PCDH15: variants seen among roughly 807,000 people sequenced by gnomAD.
PCDH15 encodes protocadherin-15.
A neutral mutation model predicts 178.5 loss-of-function variants in PCDH15; 129 were observed. The ratio of observed to expected loss-of-function variants is 0.72; its 90% CI spans 0.63 to 0.84. PCDH15 has a LOEUF of 0.84. PCDH15 is among the 40% of genes least tolerant of loss of function. PCDH15 has a pLI of 0.00. For synonymous variants in PCDH15, 800 were observed against 732.0 expected (o/e 1.09, Z -1.50); for missense variants, 2,230 against 2,099.9 (o/e 1.06, Z -1.21).
At chr10:54,240,454 A>T (rs1444716900) in intron 8 of PCDH15, among the ~76,000 whole-genome samples, 17 of 151,948 alleles carry the variant, frequency 1.1e-4, no homozygotes, top group African/African-American at 3.9e-4. Context: ...GAAAAATAGT[A>T]TCCTTATAAT....
intron 2 of PCDH15, among the ~76,000 whole-genome samples, chr10:54,919,577 C>T (rs941972371): frequency 3.3e-5 from 5 of 152,174 alleles, no homozygotes; most frequent in Admixed American, 1.3e-4. Flanking sequence ...ATACATTACC[C>T]TTACTGTACA....
At chr10:54,101,653 G>A (rs1320625297) in intron 15 of PCDH15, among the ~76,000 whole-genome samples, 3 of 152,076 alleles carry the variant, frequency 2.0e-5, no homozygotes, top group Non-Finnish European at 2.9e-5. Flanking sequence ...AATCACAACT[G>A]CTAAAAAAGA....
At chr10:55,363,452 C>G (rs1161235170) in intron 2 of PCDH15, among the ~76,000 whole-genome samples, 2 of 152,026 alleles carry the variant, frequency 1.3e-5, no homozygotes, top group Non-Finnish European at 2.9e-5. Context: ...GTTGTTAGAT[C>G]ATGTGGTAAG....
intron 23 of PCDH15, among the ~76,000 whole-genome samples, chr10:53,950,579 T>C (rs1164373135): frequency 6.6e-6 from 1 of 152,200 alleles, no homozygotes; most frequent in Non-Finnish European, 1.5e-5. Flanking sequence ...GACTCTATGA[T>C]CTATTCCAGA....
At chr10:55,312,623 T>A (rs1214241060) in intron 1 of PCDH15, among the ~76,000 whole-genome samples, 3 of 115,898 alleles carry the variant, frequency 2.6e-5, no homozygotes, top group African/African-American at 9.6e-5. Context: ...GTAATAGAGT[T>A]TTTTTTTTTT....
At chr10:54,705,327 C>A (rs1267678354) in intron 1 of PCDH15, among the ~76,000 whole-genome samples, 2 of 151,890 alleles carry the variant, frequency 1.3e-5, no homozygotes, top group Non-Finnish European at 2.9e-5. Context: ...AAAAAAAATA[C>A]ATGCTAAGAT....
chr10:54,927,339 G>A (rs1042512866), intron 2 of PCDH15, among the ~76,000 whole-genome samples: 1 of 152,034 alleles, frequency 6.6e-6, no homozygotes, highest in Non-Finnish European at 1.5e-5. Flanking sequence ...TTGCTTAGGA[G>A]TATTTTGTGT....
intron 2 of PCDH15, among the ~76,000 whole-genome samples, chr10:54,994,447 C>T (rs1308040837): frequency 6.6e-6 from 1 of 152,168 alleles, no homozygotes; most frequent in South Asian, 2.1e-4. Flanking sequence ...GAAAAAAATA[C>T]TATATCTAGA....
chr10:54,303,045 T>C (rs1435002962), intron 8 of PCDH15, among the ~76,000 whole-genome samples: 1 of 152,166 alleles, frequency 6.6e-6, no homozygotes, highest in Non-Finnish European at 1.5e-5. Context: ...TAGGAAACTT[T>C]ATTGAATAAT....
intron 26 of PCDH15, among the ~76,000 whole-genome samples, chr10:53,887,788 C>T (rs1419403523): frequency 6.6e-6 from 1 of 152,106 alleles, no homozygotes; most frequent in Non-Finnish European, 1.5e-5. Context: ...ACTCGGGAGG[C>T]CAAGGCAGGA....
chr10:54,171,848 C>T (rs1300966338), intron 13 of PCDH15, among the ~76,000 whole-genome samples: 1 of 151,582 alleles, frequency 6.6e-6, no homozygotes, highest in African/African-American at 2.4e-5. Context: ...TTTCTTCTAA[C>T]ATCCCCACAA....
At chr10:54,271,238 T>G (rs1341943268) in intron 8 of PCDH15, among the ~76,000 whole-genome samples, 1 of 152,114 alleles carries the variant, frequency 6.6e-6, no homozygotes, top group East Asian at 1.9e-4. Flanking sequence ...TGAGACAGAG[T>G]GTCGCTCTGT....
chr10:55,616,807 G>A (rs1194375073), intron 2 of PCDH15, among the ~76,000 whole-genome samples: 1 of 152,142 alleles, frequency 6.6e-6, no homozygotes, highest in Non-Finnish European at 1.5e-5. Flanking sequence ...ACAATAGTGA[G>A]TATGGTGGTT....
At chr10:53,997,565 C>T (rs7917046) in intron 20 of PCDH15, among the ~76,000 whole-genome samples, 14,804 of 152,064 alleles carry the variant, frequency 0.097, 2,086 homozygotes, top group African/African-American at 0.31. Context: ...AAATTTAAAA[C>T]CTTAATGTCA....
intron 1 of PCDH15, among the ~76,000 whole-genome samples, chr10:54,782,966 A>T (rs1950514901): frequency 6.6e-6 from 1 of 152,148 alleles, no homozygotes; most frequent in African/African-American, 2.4e-5. Context: ...TCTAGGACAC[A>T]TCTACAGGAA....
intron 13 of PCDH15, among the ~76,000 whole-genome samples, chr10:54,179,320 CA>C (rs1380482549): frequency 1.2e-4 from 18 of 147,226 alleles, no homozygotes; most frequent in African/African-American, 4.3e-4. Flanking sequence ...ATCACAAGGA[CA>C]AAAAACCAAA....
At chr10:55,275,636 C>T (rs1287808826) in intron 1 of PCDH15, among the ~76,000 whole-genome samples, 1 of 149,892 alleles carries the variant, frequency 6.7e-6, no homozygotes. Flanking sequence ...TTTATCTATA[C>T]AATAATTTCA....
At chr10:54,639,986 G>A (rs183241692) in intron 2 of PCDH15, among the ~76,000 whole-genome samples, 1 of 152,266 alleles carries the variant, frequency 6.6e-6, no homozygotes, top group Non-Finnish European at 1.5e-5. Context: ...TCTGGAGGCT[G>A]AGGAAGGAAG....
At chr10:55,056,634 ATTAT>A (rs1841311783) in intron 2 of PCDH15, among the ~76,000 whole-genome samples, 1 of 147,628 alleles carries the variant, frequency 6.8e-6, no homozygotes, top group Non-Finnish European at 1.5e-5. Context: ...TATTATTATT[ATTAT>A]TATTAATATT....
Sources: allele counts gnomAD v4.1 joint callset (sites outside exome capture counted in the v4.1 genomes callset), GRCh38; gene constraint gnomAD v4.1.1; transcripts MANE v1.5; gene names NCBI Gene and HGNC (gene_info 2026-07-23, HGNC 2026-07-21).